The following TEC variants were observed in gnomAD, a reference collection of about 807,000 sequenced individuals.
TEC encodes the protein tec protein tyrosine kinase.
In TEC, 72 loss-of-function variants were observed where a neutral mutation model predicts 93.0. The ratio of observed to expected loss-of-function variants is 0.77; its 90% confidence interval spans 0.64 to 0.94. The LOEUF is 0.94. Ranked by LOEUF, TEC falls within the 40% of genes least tolerant of loss-of-function variation. The pLI is 0.00. For synonymous variants in TEC, 249 were observed against 247.7 expected, an observed-to-expected ratio of 1.01 and a Z score of -0.05; for missense variants, 630 against 757.9, an observed-to-expected ratio of 0.83 and a Z score of 1.98.
intron 2 of TEC, among the ~76,000 whole-genome samples, chr4:48,198,130 T>A (rs1722363856): frequency 1.4e-4 from 21 of 152,326 alleles, no homozygotes; most frequent in Admixed American, 1.4e-3. Flanking sequence ...CCTGGTGATG[T>A]ATTGAGTTTC....
chr4:48,220,053 TTGGTTCACAACATACATTTATGTCA>T lies in TEC; in HGVS notation c.138+8399_138+8423del, dbSNP rs539170805. On this transcript the variant is annotated intron_variant, in intron 2 of 17. Transcript: ENST00000381501. The stretch of plus-strand genomic sequence containing the variant: ...CAGTGTGACAACCTTTCTGATTGTC[TTGGTTCACAACATACATTTATGTCA>T]TGGTTCACAACATACATAAATCCTA... Among the ~76,000 whole-genome samples the T allele has an allele frequency of 6.6e-5, 10 of 151,654 alleles. No individual in the cohort carries two copies. In the East Asian group the frequency reaches 1.6e-3, roughly 24 times the overall value.
At chr4:48,216,792 T>C (rs933617260) in intron 2 of TEC, among the ~76,000 whole-genome samples, 1 of 152,220 alleles carries the variant, frequency 6.6e-6, no homozygotes, top group African/African-American at 2.4e-5. Flanking sequence ...CTAAATTAAA[T>C]TAAGTAATAC....
At position 48,149,668 on chromosome 4, in the gene TEC, G is replaced by A; in HGVS notation, c.895C>T (p.His299Tyr). 1 of 1,607,278 alleles carries A rather than the reference G, an allele frequency of 6.2e-7. No homozygotes were observed. The highest frequency in any genetic ancestry group is 8.5e-7 in the Non-Finnish European group (1 of 1,178,050). ...GTTGTTGTTTCCTTTATATGATAAT[G>A]CCTAAAACCCGATGAACCTTCTCTA... ...FGGEGSSGFRHYHIKETTTSP... is the reference protein window; with the variant it reads ...FGGEGSSGFRYYHIKETTTSP... The change falls in exon 11 of 18, where the codon CAT becomes TAT. Residue 299 changes from histidine to tyrosine, a missense_variant. This residue lies in a region of TEC where 335 missense variants were observed against 351.5 expected (regional missense o/e 0.95). Transcript: ENST00000381501.
rs71189199 is a variant in TEC at position 48,265,515 on chromosome 4, A to AT, written c.-46+4236dup. On this transcript the variant is annotated intron_variant, in intron 1 of 17. Transcript: ENST00000381501. ...TATGTGTGTATATATATATATATAT[A>AT]TTTTTTTTTTTTTTTGAGACAAAGT... Among the ~76,000 whole-genome samples the AT allele has an allele frequency of 6.6e-3, 856 of 129,154 alleles. 13 individuals are homozygous for AT. The highest frequency in any genetic ancestry group is 0.023 in the African/African-American group (804 of 35,432). 84.7% of individuals were successfully genotyped at this position (129,154 alleles called of 152,430 possible). A position where few individuals can be genotyped will look rare whatever the true frequency, so the allele number is the denominator to read the frequency against.
chr4:48,159,596 T>G (rs2464502), intron 8 of TEC, among the ~76,000 whole-genome samples: 2 of 148,676 alleles, frequency 1.3e-5, no homozygotes, highest in Non-Finnish European at 3.0e-5. Context: ...ACACTTGTTG[T>G]CCAGGCTGGA....
rs1167544352 is a variant in TEC at position 48,179,352 on chromosome 4, ATATATATATATATATATATATATAT to A, written c.139-3191_139-3167del. ...TGACGTGGGTAGTATATATATATAT[ATATATATATATATATATATATATAT>A]TTTTTTTTTTTTTTTTTTTTTTTCA... is the stretch of plus-strand genomic sequence containing the variant. On this transcript the variant is annotated intron_variant, in intron 2 of 17. Coordinates refer to ENST00000381501, the MANE Select transcript of TEC (RefSeq NM_003215.3). Among the ~76,000 whole-genome samples the A allele has an allele frequency of 4.8e-3, 134 of 28,158 alleles. 3 individuals are homozygous for A. Among genetic ancestry groups the A allele is most frequent in the South Asian group, 0.036 (23 of 638 alleles). 18.5% of individuals were successfully genotyped at this position (28,158 alleles called of 152,430 possible).
intron 1 of TEC, among the ~76,000 whole-genome samples, chr4:48,260,209 C>T (rs1724464118): frequency 1.3e-5 from 2 of 152,168 alleles, no homozygotes. Flanking sequence ...CACTGTAATT[C>T]TAAAAGGTCA....
intron 9 of TEC, 99 bp downstream of exon 9, chr4:48,156,581 G>T: frequency 1.8e-6 from 2 of 1,110,188 alleles, no homozygotes; most frequent in Non-Finnish European, 1.3e-6. Flanking sequence ...CTTGCTCACT[G>T]CTGAACACAT....
chr4:48,180,981 A>G (rs901165933), intron 2 of TEC, among the ~76,000 whole-genome samples: 1 of 152,208 alleles, frequency 6.6e-6, no homozygotes, highest in Admixed American at 6.5e-5. Context: ...ATAATTTAGA[A>G]GGCAGAGTTC....
chr4:48,145,102 T>C lies in TEC; in HGVS notation c.1447A>G (p.Asn483Asp), dbSNP rs910063103. Residue 483 changes from asparagine to aspartate, a missense_variant, in exon 14 of 18, where the codon AAC becomes GAC. Transcript: ENST00000381501. The part of the protein sequence containing the change: ...VCEGMEYLER[N>D]SFIHRDLAAR... ...ACCAGATCTCTGTGGATGAAGCTGT[T>C]TCTCTCCAGATACTCCATCCCTTCA... is the stretch of plus-strand genomic sequence containing the variant. 6.2e-7 allele frequency: 1 copy of C among 1,613,930 alleles called. No homozygotes were observed. Among genetic ancestry groups the C allele is most frequent in the East Asian group, 2.2e-5 (1 of 44,872 alleles).
chr4:48,153,949 C>T (rs543032448), intron 9 of TEC, among the ~76,000 whole-genome samples: 1 of 152,284 alleles, frequency 6.6e-6, no homozygotes, highest in South Asian at 2.1e-4. Context: ...GTGGAAAGCC[C>T]CAGGGGCTTC....
intron 7 of TEC, among the ~76,000 whole-genome samples, chr4:48,164,756 C>G (rs932063226): frequency 6.6e-6 from 1 of 152,166 alleles, no homozygotes; most frequent in African/African-American, 2.4e-5. Flanking sequence ...AATCCCAGCA[C>G]TTTAGGAGGC....
chr4:48,257,082 C>T (rs1467177949), intron 1 of TEC, among the ~76,000 whole-genome samples: 4 of 152,148 alleles, frequency 2.6e-5, no homozygotes, highest in Admixed American at 6.5e-5. Context: ...CTACATTTCA[C>T]TCTATCTGCT....
intron 9 of TEC, among the ~76,000 whole-genome samples, chr4:48,151,734 G>A (rs1413284667): frequency 1.3e-5 from 2 of 152,176 alleles, no homozygotes; most frequent in East Asian, 1.9e-4. Flanking sequence ...TGATCCACCC[G>A]CCTTGATCTC....
At chr4:48,253,356 T>C (rs1724259493) in intron 1 of TEC, among the ~76,000 whole-genome samples, 1 of 152,130 alleles carries the variant, frequency 6.6e-6, no homozygotes, top group African/African-American at 2.4e-5. Flanking sequence ...TCTTCTATTA[T>C]CTCTTCTCTC....
chr4:48,251,860 G>A (rs1350472185), intron 1 of TEC, among the ~76,000 whole-genome samples: 2 of 152,266 alleles, frequency 1.3e-5, no homozygotes, highest in East Asian at 3.9e-4. Context: ...AAGACTATGG[G>A]TTTTACAGAG....
chr4:48,198,135 A>AACTCATTTCCTACCTG (rs1307790593), intron 2 of TEC, among the ~76,000 whole-genome samples: 21 of 152,282 alleles, frequency 1.4e-4, no homozygotes, highest in Admixed American at 1.4e-3. Flanking sequence ...TGATGTATTG[A>AACTCATTTCCTACCTG]GTTTCCACTT....
intron 2 of TEC, among the ~76,000 whole-genome samples, chr4:48,218,090 A>C (rs971555370): frequency 6.6e-6 from 1 of 152,224 alleles, no homozygotes; most frequent in Admixed American, 6.5e-5. Context: ...GAAAGGTCAG[A>C]TCTAGGAGAG....
intron 2 of TEC, among the ~76,000 whole-genome samples, chr4:48,195,079 G>T (rs917025604): frequency 2.0e-5 from 3 of 152,152 alleles, no homozygotes; most frequent in African/African-American, 4.8e-5. Context: ...TAAGCTGGGG[G>T]CTCCCTGACT....
Sources: gnomAD v4.1 joint callset for allele counts (sites outside exome capture counted in the v4.1 genomes callset) on GRCh38, gnomAD v4.1.1 for gene constraint, gnomAD v4.1.1 regional missense constraint, MANE v1.5 for transcripts, NCBI Gene and HGNC (gene_info 2026-07-23, HGNC 2026-07-21) for gene names.